The following NACC1 variants were observed in gnomAD, a reference collection of about 807,000 sequenced individuals.
The protein encoded by NACC1 is nucleus accumbens associated 1, also known as nucleus accumbens-associated protein 1.
NACC1 carries 6 observed loss-of-function variants against 41.7 expected under a neutral mutation model. The observed-to-expected ratio is 0.14, with a 90% CI of 0.08 to 0.28. The LOEUF (loss-of-function observed/expected upper bound fraction) is 0.28. NACC1 is among the 10% of genes least tolerant of loss of function. The pLI is 1.00. For missense variants in NACC1, 434 were observed against 763.7 expected (o/e 0.57, Z 5.09); for synonymous variants, 338 against 330.6 (o/e 1.02, Z -0.24).
chr19:13,128,409 A>G (rs2019591614), intron 1 of NACC1, among the ~76,000 whole-genome samples: 1 of 152,162 alleles, frequency 6.6e-6, no homozygotes, highest in Admixed American at 6.5e-5. Context: ...CTGCCTTCTT[A>G]ATACCACCGT....
Position 13,135,381 on chromosome 19 carries a change from G to A in NACC1, c.174G>A (p.Leu58=), listed in dbSNP as rs1262538329. ...CCAGCAGCTCCTACTTCCGGGACCT[G>A]TTCAACAACAGCCGCAGCGCCGTGG... is the stretch of plus-strand genomic sequence containing the variant. ...LAASSSYFRD[L]FNNSRSAVVE... Residue 58 remains leucine (L), a synonymous_variant, in exon 2 of 6, where the codon CTG becomes CTA. Coordinates refer to ENST00000292431, the MANE Select transcript of NACC1 (RefSeq NM_052876.4). 6.2e-7 allele frequency: 1 copy of A among 1,613,662 alleles called. No individual in the cohort carries two copies. Among genetic ancestry groups the A allele is most frequent in the Non-Finnish European group, 8.5e-7 (1 of 1,180,028 alleles).
chr19:13,136,474 G>A lies in NACC1; in HGVS notation c.1120+69G>A. 1 of 1,524,074 alleles carries A rather than the reference G, an allele frequency of 6.6e-7. No individual in the cohort carries two copies. 94.4% of individuals were successfully genotyped at this position (1,524,074 alleles called of 1,614,324 possible). A position where few individuals can be genotyped will look rare whatever the true frequency, so the allele number is the denominator to read the frequency against. ...AGCCGGCTGGCCTGGGCTGGGCTGG[G>A]CAGCTGGTTAGGAGCCCCCAGCACC... is the stretch of plus-strand genomic sequence containing the variant. On this transcript the variant is annotated intron_variant, in intron 3 of 5. Transcript: ENST00000292431. This position sits in a 1 kb window ranked among gnomAD's most constrained non-coding sequence, Gnocchi z 5.5.
chr19:13,138,981 GCAC>G lies in NACC1; in HGVS notation c.*576_*578del, dbSNP rs2019747877. The G allele has an allele frequency of 6.5e-6, 1 of 153,910 alleles. No homozygotes were observed. Among genetic ancestry groups the G allele is most frequent in the African/African-American group, 2.4e-5 (1 of 41,412 alleles). The allele number at this position is 153,910 out of a possible 1,614,324, so 9.5% of individuals were successfully genotyped here. On this transcript the variant is annotated 3_prime_UTR_variant, in exon 6 of 6. Coordinates refer to ENST00000292431, the MANE Select transcript of NACC1 (RefSeq NM_052876.4). The surrounding 1 kb of genome is among the most constrained non-coding windows in gnomAD (Gnocchi z 5.7). ...CTGGGGAAACAGGCTCCGAGAAATT[GCAC>G]AACCGACCTCAGGTGGCCGGCAGTG...
Position 13,136,145 on chromosome 19 carries a change from G to A in NACC1, c.938G>A (p.Gly313Asp). 6.2e-7 allele frequency: 1 copy of A among 1,611,790 alleles called. No homozygotes were observed. Among genetic ancestry groups the A allele is most frequent in the African/African-American group, 1.3e-5 (1 of 75,008 alleles). ...MYTMYSMMNV[G>D]QTAEKVEALP... Reference sequence around the variant, plus strand: ...ACCATGTACAGCATGATGAACGTCGGCCAGACAGGTGAGGTGCCGTCCTGT... The same window carrying A: ...ACCATGTACAGCATGATGAACGTCGACCAGACAGGTGAGGTGCCGTCCTGT... The change falls in exon 2 of 6, where the codon GGC (glycine) becomes GAC (aspartate). Residue 313 changes from glycine to aspartate, a missense_variant. This residue lies in a region of NACC1 where 234 missense variants were observed against 308.3 expected (regional missense o/e 0.76). Coordinates refer to ENST00000292431, the MANE Select transcript of NACC1 (RefSeq NM_052876.4). The surrounding 1 kb of genome is among the most constrained non-coding windows in gnomAD (Gnocchi z 5.5).
intron 1 of NACC1, among the ~76,000 whole-genome samples, chr19:13,120,477 G>A (rs2019475060): frequency 6.6e-6 from 1 of 152,212 alleles, no homozygotes; most frequent in African/African-American, 2.4e-5. Context: ...AGCCAGTTCT[G>A]GGTTTAATGA....
intron 1 of NACC1, among the ~76,000 whole-genome samples, chr19:13,128,089 G>A (rs554890086): frequency 4.6e-5 from 7 of 152,262 alleles, no homozygotes; most frequent in South Asian, 4.1e-4. Flanking sequence ...GTGAAGCTAC[G>A]GCATTCACAG....
Position 13,135,627 on chromosome 19 carries a change from G to A in NACC1, c.420G>A (p.Ser140=), listed in dbSNP as rs370514357. ...GCCTGCATGCGGAGGAGGCCCCATC[G>A]TCGGAGCCCCAGAGCCCCGTGGCGC... ...SQGLHAEEAP[S]SEPQSPVAQT... is the part of the protein sequence containing the mutation. Residue 140 remains serine (S), a synonymous_variant, in exon 2 of 6, where the codon TCG becomes TCA. Coordinates refer to ENST00000292431, the MANE Select transcript of NACC1 (RefSeq NM_052876.4). The A allele has an allele frequency of 5.7e-5, 89 of 1,575,048 alleles. No individual in the cohort carries two copies. Among genetic ancestry groups the A allele is most frequent in the South Asian group, 5.4e-4 (47 of 87,444 alleles).
At chr19:13,125,238 T>C (rs889964905) in intron 1 of NACC1, among the ~76,000 whole-genome samples, 6 of 152,130 alleles carry the variant, frequency 3.9e-5, no homozygotes, top group African/African-American at 1.4e-4. Context: ...GGAAGTCCCA[T>C]ATCACGGTGC....
chr19:13,132,574 A>G (rs541592931), intron 1 of NACC1, among the ~76,000 whole-genome samples: 44 of 152,110 alleles, frequency 2.9e-4, no homozygotes, highest in Non-Finnish European at 3.1e-4. Context: ...CAAGGGGAGT[A>G]TGAAACCAGC....
chr19:13,135,507 C>T lies in NACC1; in HGVS notation c.300C>T (p.Leu100=), dbSNP rs569430175. 2 of 1,613,750 alleles carry T rather than the reference C, an allele frequency of 1.2e-6. No individual in the cohort carries two copies. The highest frequency in any genetic ancestry group is 2.2e-5 in the East Asian group (1 of 44,884). Residue 100 remains leucine, a synonymous_variant, in exon 2 of 6, where the codon CTC becomes CTT. Transcript: ENST00000292431. ...TGAACGTGGGCGACCAGTTCCTGCT[C>T]ATGTACACGGCTGGCTTCCTGCAGA... ...LSMNVGDQFL[L]MYTAGFLQIQ...
In NACC1 at chr19:13,135,747, C is replaced by G; in HGVS notation, c.540C>G (p.Pro180=). 6.4e-7 allele frequency: 1 copy of G among 1,559,170 alleles called. No individual in the cohort carries two copies. ...AGTCGGACTCCGTGCAGTGCATGCC[C>G]GTGGCCAAGCGGCTGTGGGACAGTG... ...QQESDSVQCM[P]VAKRLWDSGQ... Residue 180 remains proline, a synonymous_variant, in exon 2 of 6, where the codon CCC becomes CCG. Coordinates refer to ENST00000292431, the MANE Select transcript of NACC1 (RefSeq NM_052876.4).
chr19:13,133,220 C>T (rs894642229), intron 1 of NACC1, among the ~76,000 whole-genome samples: 1 of 152,124 alleles, frequency 6.6e-6, no homozygotes, highest in Non-Finnish European at 1.5e-5. Context: ...TCAGGGAAGC[C>T]TTCTCACTCG....
chr19:13,137,436 A>T lies in NACC1; in HGVS notation c.1227-42A>T, dbSNP rs765947525. 2 of 1,607,726 alleles carry T rather than the reference A, an allele frequency of 1.2e-6. No homozygotes were observed. The highest frequency in any genetic ancestry group is 2.7e-5 in the African/African-American group (2 of 74,748). Reference sequence around the variant, plus strand: ...GGGGTTTCCCCATGTCCCCCCCACCACCAACTTGAGCGCTGACTCCCTCCA... The same window carrying T: ...GGGGTTTCCCCATGTCCCCCCCACCTCCAACTTGAGCGCTGACTCCCTCCA... On this transcript the variant is annotated intron_variant, in intron 4 of 5. Coordinates refer to ENST00000292431, the MANE Select transcript of NACC1 (RefSeq NM_052876.4). This position sits in a 1 kb window ranked among gnomAD's most constrained non-coding sequence, Gnocchi z 6.1.
Position 13,137,315 on chromosome 19 carries a change from G to A in NACC1, c.1165G>A (p.Val389Ile), listed in dbSNP as rs778872897. ...AAGGGCGCAGCTGATGAACTGCCAC[G>A]TCAGCGCAGGCACGCGGCACAAGGT... ...ITRAQLMNCH[V>I]SAGTRHKVLL... Residue 389 changes from valine to isoleucine, a missense_variant, in exon 4 of 6, where the codon GTC (valine) becomes ATC (isoleucine). Physicochemically the swap from Val to Ile is conservative, Grantham distance 29 (BLOSUM62 3). This residue lies in a region of NACC1 where 70 missense variants were observed against 206.9 expected (regional missense o/e 0.34). Transcript: ENST00000292431. The surrounding 1 kb of genome is among the most constrained non-coding windows in gnomAD (Gnocchi z 6.1). The A allele has an allele frequency of 5.0e-6, 8 of 1,613,798 alleles. No homozygotes were observed. Among genetic ancestry groups the A allele is most frequent in the South Asian group, 2.2e-5 (2 of 91,090 alleles).
chr19:13,129,221 G>A (rs769619506), intron 1 of NACC1, among the ~76,000 whole-genome samples: 8 of 152,100 alleles, frequency 5.3e-5, no homozygotes, highest in Non-Finnish European at 1.2e-4. Flanking sequence ...ACTTAGGTGG[G>A]GATTTGGTGG....
intron 1 of NACC1, among the ~76,000 whole-genome samples, chr19:13,129,544 A>T (rs1050756564): frequency 5.9e-5 from 9 of 152,162 alleles, no homozygotes; most frequent in African/African-American, 1.9e-4. Flanking sequence ...TGCGGGGGCC[A>T]CTGGGGAACT....
chr19:13,130,363 C>A (rs2019618208), intron 1 of NACC1, among the ~76,000 whole-genome samples: 1 of 152,098 alleles, frequency 6.6e-6, no homozygotes, highest in African/African-American at 2.4e-5. Flanking sequence ...CAGGCGTGAG[C>A]CACCGTGCCC....
intron 1 of NACC1, among the ~76,000 whole-genome samples, chr19:13,129,881 A>G (rs1259292851): frequency 1.3e-5 from 2 of 151,562 alleles, no homozygotes; most frequent in Non-Finnish European, 2.9e-5. Flanking sequence ...GGGGGGTTCA[A>G]GACCAGCCTG....
In NACC1 at chr19:13,137,641, C is replaced by G. The variant is rs1356844461; in HGVS notation, c.1324+66C>G. Reference sequence around the variant, plus strand: ...ACGCAGGTTGACGTTTTTTCCCAGCCTTGGCTCTCAGAGAGGGCTAGAGTT... The same window carrying G: ...ACGCAGGTTGACGTTTTTTCCCAGCGTTGGCTCTCAGAGAGGGCTAGAGTT... On this transcript the variant is annotated intron_variant, in intron 5 of 5. Coordinates refer to ENST00000292431, the MANE Select transcript of NACC1 (RefSeq NM_052876.4). The surrounding 1 kb of genome is among the most constrained non-coding windows in gnomAD (Gnocchi z 6.1). The G allele has an allele frequency of 1.4e-5, 20 of 1,380,436 alleles. No individual in the cohort carries two copies. The highest frequency in any genetic ancestry group is 1.9e-5 in the Non-Finnish European group (19 of 1,003,502). 85.5% of individuals were successfully genotyped at this position (1,380,436 alleles called of 1,614,324 possible).
Sources: gnomAD v4.1 joint callset for allele counts (sites outside exome capture counted in the v4.1 genomes callset) on GRCh38, gnomAD v4.1.1 for gene constraint, gnomAD v4.1.1 regional missense constraint, Gnocchi (gnomAD v3.1) non-coding constraint, MANE v1.5 for transcripts, NCBI Gene and HGNC (gene_info 2026-07-23, HGNC 2026-07-21) for gene names.